The following FZD6 variants were observed in gnomAD, a reference collection of about 807,000 sequenced individuals.
FZD6 encodes frizzled class receptor 6.
A neutral mutation model predicts 61.4 loss-of-function variants in FZD6; 49 were observed. The ratio of observed to expected loss-of-function variants is 0.80; its 90% CI spans 0.63 to 1.01. The LOEUF (loss-of-function observed/expected upper bound fraction) is 1.01, where lower values mean the gene tolerates loss of function less well. Among genes scored for constraint, FZD6 ranks in the 50% least tolerant of loss-of-function variants. FZD6 has a pLI of 0.00. For missense variants in FZD6, 724 were observed against 848.2 expected (o/e 0.85, Z 1.82); for synonymous variants, 265 against 292.2 (o/e 0.91, Z 0.95).
intron 3 of FZD6, among the ~76,000 whole-genome samples, chr8:103,323,472 C>G (rs1316874373): frequency 1.3e-5 from 2 of 151,684 alleles, no homozygotes; most frequent in Admixed American, 1.3e-4. Context: ...TCTCTGTCTC[C>G]CAGGCTGGAG....
At chr8:103,314,948 C>T (rs1814588715) in intron 2 of FZD6, among the ~76,000 whole-genome samples, 1 of 152,124 alleles carries the variant, frequency 6.6e-6, no homozygotes, top group African/African-American at 2.4e-5. Context: ...TTATCCAGAA[C>T]CTGAATGTTT....
chr8:103,326,822 A>C (rs866180636), intron 4 of FZD6, among the ~76,000 whole-genome samples: 7 of 152,076 alleles, frequency 4.6e-5, no homozygotes, highest in African/African-American at 1.4e-4. Flanking sequence ...GATCAATAAG[A>C]AAAAAACCAT....
At chr8:103,327,800 G>A (rs1016926206) in intron 4 of FZD6, among the ~76,000 whole-genome samples, 2 of 151,836 alleles carry the variant, frequency 1.3e-5, no homozygotes, top group East Asian at 3.9e-4. Context: ...GGAAATTTTC[G>A]CATTTTACTG....
intron 3 of FZD6, among the ~76,000 whole-genome samples, chr8:103,322,875 T>C (rs1299885542): frequency 6.6e-6 from 1 of 152,166 alleles, no homozygotes; most frequent in Non-Finnish European, 1.5e-5. Context: ...CACAAGAATA[T>C]TGATTGTAGA....
chr8:103,325,735 G>A (rs1205738784), intron 4 of FZD6, among the ~76,000 whole-genome samples: 1 of 152,118 alleles, frequency 6.6e-6, no homozygotes, highest in Non-Finnish European at 1.5e-5. Context: ...AAATTAAATT[G>A]AGCTGCAAAG....
At chr8:103,315,575 G>A (rs1814605261) in intron 2 of FZD6, among the ~76,000 whole-genome samples, 1 of 152,194 alleles carries the variant, frequency 6.6e-6, no homozygotes, top group African/African-American at 2.4e-5. Context: ...AGTGACAGAA[G>A]GCAGATCAGT....
chr8:103,312,986 G>T (rs1814538356), intron 2 of FZD6, among the ~76,000 whole-genome samples: 2 of 152,084 alleles, frequency 1.3e-5, no homozygotes, highest in East Asian at 1.9e-4. Flanking sequence ...TTTGCCTGTC[G>T]CTGTGCTTTG....
At chr8:103,317,825 CAAA>C (rs60176627) in intron 2 of FZD6, among the ~76,000 whole-genome samples, 141 of 133,612 alleles carry the variant, frequency 1.1e-3, no homozygotes, top group South Asian at 8.9e-3. Context: ...GACTCTGTCT[CAAA>C]AAAAAAAAAA....
intron 2 of FZD6, among the ~76,000 whole-genome samples, chr8:103,308,776 A>G (rs1814413107): frequency 6.6e-6 from 1 of 152,188 alleles, no homozygotes; most frequent in Non-Finnish European, 1.5e-5. Flanking sequence ...TGAGTTCAGT[A>G]ACACTCAATT....
chr8:103,306,213 A>G (rs997425140), intron 2 of FZD6, among the ~76,000 whole-genome samples: 2 of 152,228 alleles, frequency 1.3e-5, no homozygotes, highest in African/African-American at 2.4e-5. Context: ...CAAGTTTTCC[A>G]TTATGGAAAT....
At chr8:103,316,749 T>C (rs142156884) in intron 2 of FZD6, among the ~76,000 whole-genome samples, 2,232 of 152,300 alleles carry the variant, frequency 0.015, 25 homozygotes, top group Non-Finnish European at 0.021. Flanking sequence ...TGTATTCTGT[T>C]TTTTTCCCCC....
intron 1 of FZD6, among the ~76,000 whole-genome samples, chr8:103,299,197 G>A (rs1422962031): frequency 6.6e-6 from 1 of 152,208 alleles, no homozygotes; most frequent in African/African-American, 2.4e-5. Context: ...GGGCCCCGCG[G>A]CGCCGCGCAG....
At chr8:103,318,314 T>G (rs1814687718) in intron 2 of FZD6, among the ~76,000 whole-genome samples, 1 of 152,126 alleles carries the variant, frequency 6.6e-6, no homozygotes, top group Admixed American at 6.6e-5. Context: ...GTAGAAGGGA[T>G]GTTCAGAATT....
Position 103,304,581 on chromosome 8 carries a change from G to A in FZD6, c.177+4297G>A, listed in dbSNP as rs1250433948. Among the ~76,000 whole-genome samples, 11 of 152,156 alleles carry A rather than the reference G, an allele frequency of 7.2e-5. No homozygotes were observed. In the South Asian group the frequency reaches 8.3e-4, roughly 11 times the overall value. On this transcript the variant is annotated intron_variant, in intron 2 of 6. Coordinates refer to ENST00000358755, the MANE Select transcript of FZD6 (RefSeq NM_003506.4). ...TGACTTTCCAGACCATACAGTCTCC[G>A]TCACAGCTATTCAACTTTGAAATTG...
rs1452727811 is a variant in FZD6, at chr8:103,320,176, T to C, written c.374+1390T>C. 3.9e-5 allele frequency among the ~76,000 whole-genome samples: 6 copies of C among 152,294 alleles called. No individual in the cohort carries two copies. The South Asian group carries it at 1.0e-3, about 26-fold the overall frequency. ...GATGGTTTCTATTTCCATTGTGACA[T>C]AGTAAGAGTCAAGGAGGTCCTCTGT... On this transcript the variant is annotated intron_variant, in intron 3 of 6. Transcript: ENST00000358755.
chr8:103,307,195 T>G (rs1382536545), intron 2 of FZD6, among the ~76,000 whole-genome samples: 1 of 152,210 alleles, frequency 6.6e-6, no homozygotes, highest in Non-Finnish European at 1.5e-5. Context: ...ACCAAATAGT[T>G]CCTTCTTTTG....
intron 2 of FZD6, among the ~76,000 whole-genome samples, chr8:103,309,000 C>T (rs891001145): frequency 4.6e-5 from 7 of 152,108 alleles, no homozygotes; most frequent in African/African-American, 1.7e-4. Context: ...CCTGTGAAGT[C>T]GGTGATATGT....
chr8:103,303,561 G>A (rs1814233938), intron 2 of FZD6, among the ~76,000 whole-genome samples: 1 of 152,002 alleles, frequency 6.6e-6, no homozygotes, highest in Non-Finnish European at 1.5e-5. Flanking sequence ...CAATGCCTCT[G>A]AGCATGGTAG....
At chr8:103,316,778 C>T (rs116539898) in intron 2 of FZD6, among the ~76,000 whole-genome samples, 168 of 152,208 alleles carry the variant, frequency 1.1e-3, no homozygotes, top group African/African-American at 4.0e-3. Flanking sequence ...ACATTTATGA[C>T]CTTCTCTTTG....
Sources: allele counts gnomAD v4.1 joint callset (sites outside exome capture counted in the v4.1 genomes callset), GRCh38; gene constraint gnomAD v4.1.1; transcripts MANE v1.5; gene names NCBI Gene and HGNC (gene_info 2026-07-23, HGNC 2026-07-21).